Variants in PHEX observed in about 807,000 individuals in gnomAD.
PHEX encodes phosphate-regulating neutral endopeptidase PHEX.
In PHEX, 16 loss-of-function variants were observed where a neutral mutation model predicts 68.0. That is an observed-to-expected ratio of 0.24 (90% CI 0.16 to 0.36). The LOEUF (loss-of-function observed/expected upper bound fraction) is 0.36, where lower values mean the gene tolerates loss of function less well. Among genes scored for constraint, PHEX ranks in the 10% least tolerant of loss-of-function variants. PHEX has a pLI of 1.00. For missense variants in PHEX, 480 were observed against 575.5 expected, an observed-to-expected ratio of 0.83 and a Z score of 1.70; for synonymous variants, 208 against 205.1, an observed-to-expected ratio of 1.01 and a Z score of -0.12.
chrX:22,144,696 G>T (rs1309955642), intron 12 of PHEX, among the ~76,000 whole-genome samples: 1 of 107,105 alleles, frequency 9.3e-6, no homozygotes, highest in Non-Finnish European at 1.9e-5. Context: ...TTAGTATCCT[G>T]TCTGTGTGCA....
intron 12 of PHEX, among the ~76,000 whole-genome samples, chrX:22,136,581 A>G (rs1932240889): frequency 8.9e-6 from 1 of 112,020 alleles, no homozygotes; most frequent in South Asian, 3.7e-4. Context: ...CTCACCATGA[A>G]GCTCTGGACC....
At chrX:22,055,258 A>AATGATAAAT (rs2146996372) in intron 3 of PHEX, among the ~76,000 whole-genome samples, 1 of 107,162 alleles carries the variant, frequency 9.3e-6, no homozygotes, top group Non-Finnish European at 1.9e-5. Context: ...CACACAAAAT[A>AATGATAAAT]ATGATAAATG....
chrX:22,194,899 A>C (rs1934314139), intron 15 of PHEX, among the ~76,000 whole-genome samples: 1 of 112,514 alleles, frequency 8.9e-6, no homozygotes, highest in Admixed American at 9.4e-5. Flanking sequence ...CTGTCATAAA[A>C]TTTAATTATA....
chrX:22,135,801 C>T (rs1207038208), intron 12 of PHEX, among the ~76,000 whole-genome samples: 5 of 111,962 alleles, frequency 4.5e-5, no homozygotes, highest in African/African-American at 1.3e-4. Flanking sequence ...CTTCTAAAAG[C>T]GTTCTTTGAA....
intron 6 of PHEX, 48 bp downstream of exon 6, chrX:22,090,545 G>A: frequency 2.2e-6 from 2 of 923,326 alleles, no homozygotes; most frequent in Non-Finnish European, 3.2e-6. Context: ...GCTGCTGTCA[G>A]GCCCATTAGT....
chrX:22,078,779 C>A (rs1326191184), intron 5 of PHEX, among the ~76,000 whole-genome samples: 1 of 111,757 alleles, frequency 8.9e-6, no homozygotes, highest in Non-Finnish European at 1.9e-5. Flanking sequence ...GGCTGTATGG[C>A]GGGCTGGCCC....
intron 12 of PHEX, among the ~76,000 whole-genome samples, chrX:22,151,299 C>G (rs1214479880): frequency 8.9e-6 from 1 of 112,075 alleles, no homozygotes; most frequent in Non-Finnish European, 1.9e-5. Flanking sequence ...CAGAAGGGTT[C>G]CATCTTGTGG....
In PHEX at chrX:22,072,410, C is replaced by CA. The variant is rs200682629; in HGVS notation, c.350-3969dup. 1.2e-3 allele frequency among the ~76,000 whole-genome samples: 133 copies of CA among 107,328 alleles called. 1 individual carries two copies. The highest frequency in any genetic ancestry group is 3.9e-3 in the African/African-American group (116 of 29,496). The allele number at this position is 107,328 out of a possible 115,157, so 93.2% of individuals were successfully genotyped here. A position where few individuals can be genotyped will look rare whatever the true frequency, so the allele number is the denominator to read the frequency against. On this transcript the variant is annotated intron_variant, in intron 3 of 21. Transcript: ENST00000379374. ...TGGGCGGTAGAGCAAGACTCCATCTCAAAAAAAAAGAAAAATAAAATAAAA... is the reference window on the plus strand; with the variant it reads ...TGGGCGGTAGAGCAAGACTCCATCTCAAAAAAAAAAGAAAAATAAAATAAAA...
intron 19 of PHEX, among the ~76,000 whole-genome samples, chrX:22,226,742 A>G (rs1935521260): frequency 8.9e-6 from 1 of 111,940 alleles, no homozygotes; most frequent in South Asian, 3.7e-4. Context: ...GTTATTAAGA[A>G]TCATGTATTT....
Position 22,032,775 on chromosome X carries a change from T to C in PHEX, c.-231T>C. ...CAAGATAAAGCAACACTGTTTGTTT[T>C]GTCTAGTCAGGGGGAAAGCCAAGGC... On this transcript the variant is annotated 5_prime_UTR_variant, in exon 1 of 22. Coordinates refer to ENST00000379374, the MANE Select transcript of PHEX (RefSeq NM_000444.6). 2.5e-6 allele frequency: 1 copy of C among 406,798 alleles called. No individual in the cohort carries two copies. Among genetic ancestry groups the C allele is most frequent in the East Asian group, 4.3e-5 (1 of 23,414 alleles). 33.5% of individuals were successfully genotyped at this position (406,798 alleles called of 1,213,427 possible). A position where few individuals can be genotyped will look rare whatever the true frequency, so the allele number is the denominator to read the frequency against.
intron 1 of PHEX, among the ~76,000 whole-genome samples, 175 bp from the exon 2 acceptor site, chrX:22,038,294 T>G: frequency 8.9e-6 from 1 of 111,934 alleles, no homozygotes; most frequent in Non-Finnish European, 1.9e-5. Flanking sequence ...ACCAAGGTTA[T>G]TTAGCTAGCA....
At chrX:22,224,778 C>T (rs1364631846) in intron 18 of PHEX, among the ~76,000 whole-genome samples, 1 of 108,562 alleles carries the variant, frequency 9.2e-6, no homozygotes, top group Non-Finnish European at 1.9e-5. Flanking sequence ...TAATATTTTC[C>T]AAAGATTTGT....
intron 18 of PHEX, 39 bp from the exon 19 acceptor site, chrX:22,226,403 AC>A (rs1248887067): frequency 2.1e-5 from 20 of 947,073 alleles, no homozygotes; most frequent in African/African-American, 4.2e-5. Flanking sequence ...ACCGTGAAAC[AC>A]GCATTCATTT....
intron 3 of PHEX, among the ~76,000 whole-genome samples, chrX:22,062,455 T>C (rs1362386301): frequency 9.1e-6 from 1 of 110,119 alleles, no homozygotes; most frequent in Non-Finnish European, 1.9e-5. Flanking sequence ...TACTGTTATT[T>C]CTACATGTAA....
At chrX:22,063,412 A>C (rs1167316774) in intron 3 of PHEX, among the ~76,000 whole-genome samples, 1 of 112,549 alleles carries the variant, frequency 8.9e-6, no homozygotes, top group East Asian at 2.8e-4. Context: ...AATTGAGGTC[A>C]AAGGTGTTGG....
chrX:22,032,725 C>G lies in PHEX; in HGVS notation c.-281C>G, dbSNP rs1926851757. On this transcript the variant is annotated 5_prime_UTR_variant, in exon 1 of 22. Coordinates refer to ENST00000379374, the MANE Select transcript of PHEX (RefSeq NM_000444.6). ...ACGCTTGAGAGAAGAGCCTGCCAAA[C>G]AGGGACTTTGCTGAGGGAGAGCACC... is the stretch of plus-strand genomic sequence containing the variant. 2 of 349,443 alleles carry G rather than the reference C, an allele frequency of 5.7e-6. No homozygotes were observed. Among genetic ancestry groups the G allele is most frequent in the Non-Finnish European group, 1.0e-5 (2 of 198,113 alleles). 28.8% of individuals were successfully genotyped at this position (349,443 alleles called of 1,213,427 possible). A position where few individuals can be genotyped will look rare whatever the true frequency, so the allele number is the denominator to read the frequency against.
rs145303598 is a variant in PHEX, at chrX:22,209,407, G to A, written c.1646-3497G>A. 5.5e-3 allele frequency among the ~76,000 whole-genome samples: 608 copies of A among 110,208 alleles called. 3 individuals carry two copies. The highest frequency in any genetic ancestry group is 0.028 in the Middle Eastern group (6 of 213). ...TATGTATGGATGCTTATTCTTTTGC[G>A]TACATTACACAAAATAACTCCATAC... is the stretch of plus-strand genomic sequence containing the variant. On this transcript the variant is annotated intron_variant, in intron 15 of 21. Coordinates refer to ENST00000379374, the MANE Select transcript of PHEX (RefSeq NM_000444.6).
At chrX:22,177,132 CTG>C (rs1171898846) in intron 13 of PHEX, among the ~76,000 whole-genome samples, 1 of 111,391 alleles carries the variant, frequency 9.0e-6, no homozygotes, top group Non-Finnish European at 1.9e-5. Context: ...AGAACCCACT[CTG>C]TGTTAGGGAG....
rs146370425 is a variant in PHEX at position 22,116,735 on chromosome X, G to A, written c.1302+2149G>A. On this transcript the variant is annotated intron_variant, in intron 11 of 21. Coordinates refer to ENST00000379374, the MANE Select transcript of PHEX (RefSeq NM_000444.6). The stretch of plus-strand genomic sequence containing the variant: ...GCCTCCATCACAACTGTCCCAGCAC[G>A]TACTGAGTAGCTAGGTTAAACATTA... Among the ~76,000 whole-genome samples, 609 of 111,056 alleles carry A rather than the reference G, an allele frequency of 5.5e-3. 9 individuals are homozygous for A. Among genetic ancestry groups the A allele is most frequent in the African/African-American group, 0.019 (572 of 30,545 alleles).
Sources: allele counts gnomAD v4.1 joint callset (sites outside exome capture counted in the v4.1 genomes callset), GRCh38; gene constraint gnomAD v4.1.1; transcripts MANE v1.5; gene names NCBI Gene and HGNC (gene_info 2026-07-23, HGNC 2026-07-21).